The following TAFA1 variants were observed in gnomAD, a reference collection of about 807,000 sequenced individuals.
The protein encoded by TAFA1 is chemokine-like protein TAFA-1.
A neutral mutation model predicts 18.5 loss-of-function variants in TAFA1; 4 were observed. The observed-to-expected ratio is 0.22, with a 90% CI of 0.11 to 0.49. The LOEUF (loss-of-function observed/expected upper bound fraction) is 0.49, where lower values mean the gene tolerates loss of function less well. Ranked by LOEUF, TAFA1 falls within the 20% of genes least tolerant of loss-of-function variation. TAFA1 has a pLI of 0.98. For synonymous variants in TAFA1, 56 were observed against 55.2 expected, an observed-to-expected ratio of 1.01 and a Z score of -0.06; for missense variants, 147 against 169.0, an observed-to-expected ratio of 0.87 and a Z score of 0.72.
chr3:68,270,207 A>G (rs2067636923), intron 2 of TAFA1, among the ~76,000 whole-genome samples: 1 of 152,186 alleles, frequency 6.6e-6, no homozygotes, highest in African/African-American at 2.4e-5. Flanking sequence ...CTCCAGCTTC[A>G]TCACTTTCTT....
At chr3:68,485,798 T>C (rs965327384) in intron 3 of TAFA1, among the ~76,000 whole-genome samples, 1 of 152,128 alleles carries the variant, frequency 6.6e-6, no homozygotes, top group East Asian at 1.9e-4. Flanking sequence ...AAATGTACAT[T>C]TTGCTATAGT....
chr3:68,289,581 T>C (rs535204584), intron 2 of TAFA1, among the ~76,000 whole-genome samples: 1 of 152,282 alleles, frequency 6.6e-6, no homozygotes, highest in African/African-American at 2.4e-5. Context: ...TGGACCAAAG[T>C]TGAAGCAGGA....
intron 2 of TAFA1, among the ~76,000 whole-genome samples, chr3:68,267,527 G>C (rs2067571184): frequency 6.6e-6 from 1 of 152,268 alleles, no homozygotes; most frequent in Non-Finnish European, 1.5e-5. Flanking sequence ...CCTATAGATG[G>C]AAGTGCTTTT....
intron 4 of TAFA1, 52 bp downstream of exon 4, chr3:68,538,932 G>C (rs904187263): frequency 1.4e-5 from 22 of 1,593,888 alleles, no homozygotes; most frequent in Non-Finnish European, 1.7e-5. Context: ...TGTACTATTT[G>C]AGTTTGTGCT....
chr3:68,282,198 GA>G, intron 2 of TAFA1, among the ~76,000 whole-genome samples: 1 of 152,286 alleles, frequency 6.6e-6, no homozygotes, highest in South Asian at 2.1e-4. Context: ...TCCCTCCCAT[GA>G]CACATGGGGA....
chr3:67,996,160 G>A, the TAFA1 span, among the ~76,000 whole-genome samples: 1 of 152,202 alleles, frequency 6.6e-6, no homozygotes, highest in East Asian at 1.9e-4. Context: ...TACCTCATTT[G>A]TTGAGTGAGT....
At chr3:68,083,417 G>T (rs559307623) in intron 2 of TAFA1, among the ~76,000 whole-genome samples, 9 of 152,312 alleles carry the variant, frequency 5.9e-5, no homozygotes, top group Non-Finnish European at 1.0e-4. Context: ...AAGGACGAGG[G>T]AAGAACTCCA....
intron 2 of TAFA1, among the ~76,000 whole-genome samples, chr3:68,392,389 T>G (rs1481775722): frequency 1.3e-5 from 2 of 152,002 alleles, no homozygotes; most frequent in East Asian, 3.9e-4. Flanking sequence ...CAAAAAGACT[T>G]AGACTCCCAC....
At chr3:68,128,719 C>A (rs529318232) in intron 2 of TAFA1, among the ~76,000 whole-genome samples, 10 of 152,140 alleles carry the variant, frequency 6.6e-5, no homozygotes, top group African/African-American at 1.9e-4. Context: ...CTCTGGGAAT[C>A]ATTTAGCCAT....
At chr3:68,286,822 C>T (rs574460751) in intron 2 of TAFA1, among the ~76,000 whole-genome samples, 39 of 152,196 alleles carry the variant, frequency 2.6e-4, no homozygotes, top group Non-Finnish European at 4.0e-4. Context: ...AAAACCCGTA[C>T]GGGAAATGTG....
chr3:68,106,825 G>A (rs1023537537), intron 2 of TAFA1, among the ~76,000 whole-genome samples: 3 of 152,052 alleles, frequency 2.0e-5, no homozygotes, highest in Non-Finnish European at 2.9e-5. Context: ...CCAAGAAAAA[G>A]TGTTCAACAT....
At chr3:68,322,154 AC>A (rs2068705442) in intron 2 of TAFA1, among the ~76,000 whole-genome samples, 1 of 152,278 alleles carries the variant, frequency 6.6e-6, no homozygotes, top group Non-Finnish European at 1.5e-5. Context: ...AGCTAAAATT[AC>A]ATATACAAGT....
intron 2 of TAFA1, among the ~76,000 whole-genome samples, chr3:68,182,500 T>C (rs1387548562): frequency 6.6e-6 from 1 of 152,140 alleles, no homozygotes; most frequent in Admixed American, 6.5e-5. Context: ...ATATCAGAAA[T>C]GGGAATTAGA....
chr3:68,204,505 T>C (rs996655597), intron 2 of TAFA1, among the ~76,000 whole-genome samples: 2 of 144,844 alleles, frequency 1.4e-5, no homozygotes, highest in Non-Finnish European at 3.0e-5. Flanking sequence ...AACAGTTGTG[T>C]CCTGAGGGAG....
In TAFA1 at chr3:68,123,951, A is replaced by G. The variant is rs189747487; in HGVS notation, c.118+117207A>G. On this transcript the variant is annotated intron_variant, in intron 2 of 4. Coordinates refer to ENST00000478136, the MANE Select transcript of TAFA1 (RefSeq NM_213609.4). ...TTTTGATTCACTAGAAACTTTAGCT[A>G]TCACTGTCCTTCAGTAATCTTGGGT... is the stretch of plus-strand genomic sequence containing the variant. 7.2e-4 allele frequency among the ~76,000 whole-genome samples: 101 copies of G among 140,696 alleles called. 1 individual carries two copies. The South Asian group carries it at 0.02, about 28-fold the overall frequency. 92.3% of individuals were successfully genotyped at this position (140,696 alleles called of 152,430 possible). A position where few individuals can be genotyped will look rare whatever the true frequency, so the allele number is the denominator to read the frequency against.
intron 2 of TAFA1, among the ~76,000 whole-genome samples, chr3:68,393,924 G>T (rs890529765): frequency 6.7e-6 from 1 of 148,248 alleles, no homozygotes; most frequent in Non-Finnish European, 1.5e-5. Flanking sequence ...AAGGGCAAAA[G>T]CTGGAAGCAT....
intron 2 of TAFA1, among the ~76,000 whole-genome samples, chr3:68,364,265 C>G (rs1347172424): frequency 6.6e-6 from 1 of 152,170 alleles, no homozygotes; most frequent in Non-Finnish European, 1.5e-5. Flanking sequence ...TCAATCCAGA[C>G]TTGCTGAGTT....
intron 2 of TAFA1, among the ~76,000 whole-genome samples, chr3:68,167,156 C>G (rs1405425015): frequency 6.6e-6 from 1 of 152,182 alleles, no homozygotes; most frequent in Non-Finnish European, 1.5e-5. Flanking sequence ...GTGGTTGGGA[C>G]ATAAACTCAG....
intron 2 of TAFA1, among the ~76,000 whole-genome samples, chr3:68,238,314 C>G (rs1386695168): frequency 6.6e-6 from 1 of 152,132 alleles, no homozygotes; most frequent in Non-Finnish European, 1.5e-5. Flanking sequence ...AGACCTGGAC[C>G]TTGTGGGATT....
Sources: gnomAD v4.1 joint callset for allele counts (sites outside exome capture counted in the v4.1 genomes callset) on GRCh38, gnomAD v4.1.1 for gene constraint, MANE v1.5 for transcripts, NCBI Gene and HGNC (gene_info 2026-07-23, HGNC 2026-07-21) for gene names.